Variants in TRPM3 observed in about 807,000 individuals in gnomAD.
The protein encoded by TRPM3 is transient receptor potential cation channel subfamily M member 3, also known as long transient receptor potential channel 3.
In TRPM3, 77 loss-of-function variants were observed where a neutral mutation model predicts 181.2. The ratio of observed to expected loss-of-function variants is 0.42; its 90% CI spans 0.35 to 0.51. TRPM3 has a LOEUF of 0.51. Among genes scored for constraint, TRPM3 ranks in the 20% least tolerant of loss-of-function variants. The pLI is 0.01. For missense variants in TRPM3, 1,759 were observed against 2,196.7 expected (o/e 0.80, Z 3.98); for synonymous variants, 745 against 796.4 (o/e 0.94, Z 1.09).
At chr9:70,611,722 T>C (rs942975519) in intron 18 of TRPM3, among the ~76,000 whole-genome samples, 3 of 152,202 alleles carry the variant, frequency 2.0e-5, no homozygotes, top group African/African-American at 7.2e-5. Context: ...CTGGTACTAG[T>C]TTTATGGAAG....
intron 1 of TRPM3, among the ~76,000 whole-genome samples, chr9:70,991,462 T>C (rs1287408112): frequency 6.6e-6 from 1 of 151,894 alleles, no homozygotes; most frequent in Non-Finnish European, 1.5e-5. Flanking sequence ...TTTAGTGTAC[T>C]AATAAGAAGC....
chr9:70,621,077 CATT>C (rs1405177124), intron 15 of TRPM3, among the ~76,000 whole-genome samples, 164 bp downstream of exon 15: 3 of 144,536 alleles, frequency 2.1e-5, no homozygotes, highest in Non-Finnish European at 4.5e-5. Flanking sequence ...TAGTATTACA[CATT>C]ATATATACTA....
intron 4 of TRPM3, among the ~76,000 whole-genome samples, chr9:70,844,316 T>A (rs1222439537): frequency 6.6e-6 from 1 of 152,136 alleles, no homozygotes; most frequent in Non-Finnish European, 1.5e-5. Flanking sequence ...AAAAAGCAAA[T>A]AACAAAACGG....
chr9:70,928,521 C>A (rs1163776171), intron 1 of TRPM3, among the ~76,000 whole-genome samples: 1 of 151,900 alleles, frequency 6.6e-6, no homozygotes, highest in Non-Finnish European at 1.5e-5. Context: ...TTAATCTAAA[C>A]ACACACACAC....
chr9:71,334,974 A>G (rs1289203007), intron 1 of TRPM3, among the ~76,000 whole-genome samples: 1 of 152,160 alleles, frequency 6.6e-6, no homozygotes, highest in Non-Finnish European at 1.5e-5. Flanking sequence ...GAAATCAATT[A>G]TTGGTAATAA....
At chr9:71,031,992 T>TA (rs1565021884) in intron 1 of TRPM3, among the ~76,000 whole-genome samples, 2 of 1,168 alleles carry the variant, frequency 1.7e-3, no homozygotes, top group African/African-American at 5.5e-3. Context: ...ATATATTATA[T>TA]ATATATAATT....
intron 1 of TRPM3, among the ~76,000 whole-genome samples, chr9:71,331,475 T>C (rs538066403): frequency 1.3e-5 from 2 of 151,992 alleles, no homozygotes; most frequent in East Asian, 1.9e-4. Context: ...CTACATTTTA[T>C]ATGACTTATA....
At position 70,988,653 on chromosome 9, in the gene TRPM3, G is replaced by A. The variant is rs117873185; in HGVS notation, c.178-124142C>T. The stretch of plus-strand genomic sequence containing the variant: ...TCATGTAATTAAATTCCTCAAATCA[G>A]TTGATCTTAAAATATGATTATTCTT... On this transcript the variant is annotated intron_variant, in intron 1 of 25. Transcript: ENST00000677713. Among the ~76,000 whole-genome samples, 754 of 152,304 alleles carry A rather than the reference G, an allele frequency of 5.0e-3. 18 individuals are homozygous for A. The East Asian group carries it at 0.078, about 16-fold the overall frequency.
At chr9:70,762,712 AGAC>A (rs2078363588) in intron 7 of TRPM3, among the ~76,000 whole-genome samples, 1 of 152,244 alleles carries the variant, frequency 6.6e-6, no homozygotes, top group Non-Finnish European at 1.5e-5. Context: ...GGAACTCTAT[AGAC>A]AAGGGATTTG....
chr9:70,933,892 T>A (rs925351671), intron 1 of TRPM3, among the ~76,000 whole-genome samples: 1 of 151,906 alleles, frequency 6.6e-6, no homozygotes, highest in Admixed American at 6.6e-5. Flanking sequence ...TGGACTTTGA[T>A]AGGAGGAAGG....
intron 1 of TRPM3, among the ~76,000 whole-genome samples, chr9:71,191,669 A>C (rs1371810077): frequency 6.6e-6 from 1 of 151,910 alleles, no homozygotes; most frequent in South Asian, 2.1e-4. Context: ...AACCATTTTT[A>C]AGCATTGCTG....
chr9:70,602,829 C>T (rs908492324), intron 20 of TRPM3, among the ~76,000 whole-genome samples: 15 of 152,298 alleles, frequency 9.8e-5, no homozygotes, highest in South Asian at 2.1e-4. Context: ...GTTCAGTTCA[C>T]CTTGGTGGTC....
chr9:71,355,904 G>A (rs1217844914), intron 1 of TRPM3, among the ~76,000 whole-genome samples: 1 of 151,622 alleles, frequency 6.6e-6, no homozygotes, highest in Non-Finnish European at 1.5e-5. Flanking sequence ...AAAAAAATAA[G>A]ATTTTTATTA....
In TRPM3 at chr9:71,356,497, C is replaced by G. The variant is rs533316612; in HGVS notation, c.183+90156G>C. Among the ~76,000 whole-genome samples the G allele has an allele frequency of 4.6e-5, 7 of 152,174 alleles. No individual in the cohort carries two copies. In the South Asian group the frequency reaches 1.5e-3, roughly 32 times the overall value. On this transcript the variant is annotated intron_variant, in intron 1 of 24. Transcript: ENST00000357533. ...TAGAGACGTAGTTAGGAGGATGGGC[C>G]TGAATTCAAACCTCAGCTTCTTTCT...
intron 1 of TRPM3, among the ~76,000 whole-genome samples, chr9:70,912,185 T>A (rs2096544653): frequency 6.6e-6 from 1 of 152,210 alleles, no homozygotes; most frequent in South Asian, 2.1e-4. Context: ...GGCAAATAAA[T>A]ATTTAAAAGG....
In TRPM3 at chr9:71,026,492, C is replaced by T. The variant is rs546565232; in HGVS notation, c.177+94686G>A. On this transcript the variant is annotated intron_variant, in intron 1 of 25. Transcript: ENST00000677713. The stretch of plus-strand genomic sequence containing the variant: ...TTCATGTACTCGCCCATGGCCACCA[C>T]CCACATTGTTTTCCTGGCAGCCATG... Among the ~76,000 whole-genome samples, 12 of 152,338 alleles carry T rather than the reference C, an allele frequency of 7.9e-5. No individual in the cohort carries two copies. In the South Asian group the frequency reaches 2.3e-3, roughly 29 times the overall value.
chr9:70,863,070 G>T lies in TRPM3; in HGVS notation c.300C>A (p.Thr100=). ...GRLIGQHVGL[T]PSISVLQNEK... ...CATTCTGAAGCACGGAGATACTGGG[G>T]GTGAGGCCAACATGCTGGCCTATCA... Residue 100 remains threonine (T), a synonymous_variant, in exon 3 of 26, where the codon ACC becomes ACA. Coordinates refer to ENST00000677713, the MANE Select transcript of TRPM3 (RefSeq NM_001366145.2). The T allele has an allele frequency of 6.2e-7, 1 of 1,613,588 alleles. No individual in the cohort carries two copies. The highest frequency in any genetic ancestry group is 8.5e-7 in the Non-Finnish European group (1 of 1,179,664).
intron 1 of TRPM3, among the ~76,000 whole-genome samples, chr9:71,173,884 A>C (rs955149265): frequency 1.3e-5 from 2 of 152,208 alleles, no homozygotes; most frequent in African/African-American, 4.8e-5. Context: ...AATTTGGCAA[A>C]TAATCGACAA....
chr9:70,978,078 T>C (rs1197287319), intron 1 of TRPM3, among the ~76,000 whole-genome samples: 2 of 152,192 alleles, frequency 1.3e-5, no homozygotes, highest in Non-Finnish European at 2.9e-5. Context: ...GACCAGCTCC[T>C]ATCCTGAAGC....
Sources: gnomAD v4.1 joint callset for allele counts (sites outside exome capture counted in the v4.1 genomes callset) on GRCh38, gnomAD v4.1.1 for gene constraint, MANE v1.5 for transcripts, NCBI Gene and HGNC (gene_info 2026-07-23, HGNC 2026-07-21) for gene names.